The following ABHD17B variants were observed in gnomAD, a reference collection of about 807,000 sequenced individuals.
ABHD17B encodes the protein alpha/beta hydrolase domain-containing protein 17B.
In ABHD17B, 9 loss-of-function variants were observed where a neutral mutation model predicts 26.2. The observed-to-expected ratio is 0.34, with a 90% CI of 0.21 to 0.60. The LOEUF (loss-of-function observed/expected upper bound fraction) is 0.60. Among genes scored for constraint, ABHD17B ranks in the 20% least tolerant of loss-of-function variants. ABHD17B has a pLI of 0.80. For synonymous variants in ABHD17B, 127 were observed against 122.3 expected (o/e 1.04, Z -0.25); for missense variants, 224 against 352.1 (o/e 0.64, Z 2.91).
At chr9:71,873,063 C>T (rs892529222) in intron 2 of ABHD17B, among the ~76,000 whole-genome samples, 5 of 151,764 alleles carry the variant, frequency 3.3e-5, no homozygotes, top group Non-Finnish European at 5.9e-5. Flanking sequence ...TTTTTCCTGA[C>T]TAAATGAAAT....
At chr9:71,881,400 G>A (rs1237197614) in intron 1 of ABHD17B, among the ~76,000 whole-genome samples, 1 of 152,016 alleles carries the variant, frequency 6.6e-6, no homozygotes, top group Non-Finnish European at 1.5e-5. Context: ...AGAAAATATA[G>A]GCATAAATCT....
chr9:71,883,779 A>C (rs1826521412), intron 1 of ABHD17B, among the ~76,000 whole-genome samples: 1 of 152,160 alleles, frequency 6.6e-6, no homozygotes, highest in Non-Finnish European at 1.5e-5. Flanking sequence ...TCTACTAAAA[A>C]TACAGAAATT....
intron 1 of ABHD17B, among the ~76,000 whole-genome samples, chr9:71,893,049 G>A (rs925798876): frequency 6.6e-6 from 1 of 152,140 alleles, no homozygotes; most frequent in Non-Finnish European, 1.5e-5. Context: ...TTTGTGACAG[G>A]CTTATTTCAT....
At chr9:71,905,457 T>C (rs899093684) in intron 1 of ABHD17B, among the ~76,000 whole-genome samples, 7 of 152,168 alleles carry the variant, frequency 4.6e-5, no homozygotes, top group Non-Finnish European at 1.0e-4. Context: ...ATTAATAAAA[T>C]ATTACTACTA....
At chr9:71,878,864 T>C (rs902566097) in intron 1 of ABHD17B, among the ~76,000 whole-genome samples, 3 of 151,422 alleles carry the variant, frequency 2.0e-5, no homozygotes, top group African/African-American at 7.3e-5. Flanking sequence ...AGGAGATAAA[T>C]CCAAGGGAAG....
Position 71,866,955 on chromosome 9 carries a change from A to G in ABHD17B, c.699T>C (p.Thr233=), listed in dbSNP as rs1188105516. 1 of 1,614,198 alleles carries G rather than the reference A, an allele frequency of 6.2e-7. No homozygotes were observed. The highest frequency in any genetic ancestry group is 1.6e-4 in the Middle Eastern group (1 of 6,062). ...GTGAAAAGTCAATGACTTCATCTTC[A>G]GTCCCATGAATTATTAATACTGGAG... ...ITSPVLIIHG[T]EDEVIDFSHG... The change falls in exon 4 of 4, where the codon ACT becomes ACC. Residue 233 remains threonine, a synonymous_variant. Coordinates refer to ENST00000333421, the MANE Select transcript of ABHD17B (RefSeq NM_001025780.3).
rs77449033 is a variant in ABHD17B at position 71,876,682 on chromosome 9, A to C, written c.-3-1599T>G. Among the ~76,000 whole-genome samples the C allele has an allele frequency of 9.1e-3, 1,384 of 152,164 alleles. 21 individuals are homozygous for C. Among genetic ancestry groups the C allele is most frequent in the African/African-American group, 0.031 (1,281 of 41,514 alleles). Reference sequence around the variant, plus strand: ...TTACACCAAAAATGGGAAGAAAACAACTCAACAGAGTGACTAAATGGTTGA... The same window carrying C: ...TTACACCAAAAATGGGAAGAAAACACCTCAACAGAGTGACTAAATGGTTGA... On this transcript the variant is annotated intron_variant, in intron 1 of 3. Transcript: ENST00000333421.
chr9:71,868,806 AG>A (rs1345408425), intron 3 of ABHD17B, among the ~76,000 whole-genome samples: 2 of 152,182 alleles, frequency 1.3e-5, no homozygotes, highest in Non-Finnish European at 2.9e-5. Context: ...CTCATGCCTC[AG>A]CCTCTCGAGT....
chr9:71,887,864 GAC>G (rs1826660161), intron 1 of ABHD17B, among the ~76,000 whole-genome samples: 1 of 152,248 alleles, frequency 6.6e-6, no homozygotes, highest in South Asian at 2.1e-4. Context: ...TTATCTTTAT[GAC>G]ACAGACTTAT....
intron 1 of ABHD17B, among the ~76,000 whole-genome samples, chr9:71,901,172 T>C (rs1219993144): frequency 1.3e-5 from 2 of 150,992 alleles, no homozygotes; most frequent in Non-Finnish European, 3.0e-5. Context: ...AATAAATAAA[T>C]AATTTTTTTT....
chr9:71,871,068 G>T (rs772500042), intron 2 of ABHD17B, among the ~76,000 whole-genome samples: 3 of 152,192 alleles, frequency 2.0e-5, no homozygotes, highest in Admixed American at 6.5e-5. Context: ...TACTGCAAGT[G>T]TAAGTACAGT....
chr9:71,902,010 T>G (rs530406208), intron 1 of ABHD17B, among the ~76,000 whole-genome samples: 5 of 152,330 alleles, frequency 3.3e-5, no homozygotes, highest in Middle Eastern at 3.4e-3. Flanking sequence ...CCGATTCATT[T>G]ATTTAATTTA....
At chr9:71,867,298 G>T (rs1051841485) in intron 3 of ABHD17B, among the ~76,000 whole-genome samples, 1 of 152,174 alleles carries the variant, frequency 6.6e-6, no homozygotes, top group African/African-American at 2.4e-5. Flanking sequence ...TTTTGGCACA[G>T]AGAAACTTAG....
chr9:71,865,057 T>A (rs560214603), downstream of ABHD17B: 42 of 687,112 alleles, frequency 6.1e-5, no homozygotes, highest in African/African-American at 8.0e-4. Flanking sequence ...ATTTTAAAAA[T>A]TTTCAAACTA....
At chr9:71,905,129 GT>G (rs1187625006) in intron 1 of ABHD17B, among the ~76,000 whole-genome samples, 27 of 145,582 alleles carry the variant, frequency 1.9e-4, no homozygotes, top group South Asian at 4.4e-4. Context: ...GAAGTTTTTT[GT>G]TTTTTTTTTT....
intron 2 of ABHD17B, among the ~76,000 whole-genome samples, chr9:71,872,259 G>A (rs940463234): frequency 7.9e-5 from 12 of 152,020 alleles, no homozygotes; most frequent in African/African-American, 2.7e-4. Flanking sequence ...AGAAAACACA[G>A]GTCTAAAATT....
rs775022071 is a variant in ABHD17B, at chr9:71,875,056, G to A, written c.25C>T (p.Leu9=). 5.0e-6 allele frequency: 8 copies of A among 1,609,486 alleles called. No homozygotes were observed. The highest frequency in any genetic ancestry group is 6.8e-6 in the Non-Finnish European group (8 of 1,176,576). MNNLSFSE[L]CCLFCCPPCP... is the part of the protein sequence containing the mutation. ...GGTGGACAGCAGAAGAGGCAACATAGCTCACTAAATGAAAGATTATTCATG... is the reference window on the plus strand; with the variant it reads ...GGTGGACAGCAGAAGAGGCAACATAACTCACTAAATGAAAGATTATTCATG... Residue 9 remains leucine, a synonymous_variant, in exon 2 of 4, where the codon CTA becomes TTA. Transcript: ENST00000333421.
chr9:71,881,341 A>C (rs972963955), intron 1 of ABHD17B, among the ~76,000 whole-genome samples: 1 of 152,250 alleles, frequency 6.6e-6, no homozygotes, highest in Non-Finnish European at 1.5e-5. Flanking sequence ...AAATCAACTC[A>C]AAATGAGTCA....
At chr9:71,902,070 C>T (rs1429722384) in intron 1 of ABHD17B, among the ~76,000 whole-genome samples, 3 of 152,154 alleles carry the variant, frequency 2.0e-5, no homozygotes, top group Non-Finnish European at 2.9e-5. Context: ...TGTGCCTTAT[C>T]ACATATAGTT....
Sources: allele counts gnomAD v4.1 joint callset (sites outside exome capture counted in the v4.1 genomes callset), GRCh38; gene constraint gnomAD v4.1.1; transcripts MANE v1.5; gene names NCBI Gene and HGNC (gene_info 2026-07-23, HGNC 2026-07-21).